The following LANCL1 variants were observed in gnomAD, a reference collection of about 807,000 sequenced individuals.
LANCL1 encodes glutathione S-transferase LANCL1.
Under a neutral mutation model 50.6 loss-of-function variants are expected in LANCL1, and 50 were observed. The observed-to-expected ratio is 0.99, with a 90% CI of 0.79 to 1.25. LANCL1 has a LOEUF of 1.25. Ranked by LOEUF, LANCL1 falls within the 50% of genes most tolerant of loss-of-function variation. The pLI is 0.00. For synonymous variants in LANCL1, 188 were observed against 178.6 expected, an observed-to-expected ratio of 1.05 and a Z score of -0.42; for missense variants, 532 against 480.7, an observed-to-expected ratio of 1.11 and a Z score of -1.00.
upstream of LANCL1, chr2:210,476,859 T>G (rs1378478045): frequency 2.1e-6 from 2 of 975,574 alleles, no homozygotes; most frequent in African/African-American, 3.5e-5. Context: ...GTGTAATTTC[T>G]AAAGGATAAC....
At chr2:210,464,187 T>A (rs537058124) in intron 3 of LANCL1, among the ~76,000 whole-genome samples, 2 of 152,344 alleles carry the variant, frequency 1.3e-5, no homozygotes, top group South Asian at 4.1e-4. Flanking sequence ...CCTAATCTTA[T>A]CTGAACTAGC....
intron 3 of LANCL1, among the ~76,000 whole-genome samples, chr2:210,466,024 A>C (rs915568514): frequency 1.3e-5 from 2 of 152,224 alleles, no homozygotes; most frequent in Admixed American, 6.5e-5. Flanking sequence ...CTTGAAGAGA[A>C]AAGATGAGCA....
chr2:210,435,893 C>CTTTTTTTTTTTTTT (rs71043994), intron 8 of LANCL1, among the ~76,000 whole-genome samples: 1 of 64,228 alleles, frequency 1.6e-5, no homozygotes. Flanking sequence ...GGGAGACCTG[C>CTTTTTTTTTTTTTT]TTTTTTTTTT....
At position 210,431,261 on chromosome 2, in the gene LANCL1, A is replaced by G. The variant is rs1477454795; in HGVS notation, c.*3226T>C. 6.6e-6 allele frequency: 1 copy of G among 152,254 alleles called. No individual in the cohort carries two copies. Among genetic ancestry groups the G allele is most frequent in the African/African-American group, 2.4e-5 (1 of 41,472 alleles). 9.4% of individuals were successfully genotyped at this position (152,254 alleles called of 1,614,324 possible). ...AAGCACATGATGATATATAGTCCTA[A>G]TAAAATTTTATTGAGAACTAGTAAG... On this transcript the variant is annotated 3_prime_UTR_variant, in exon 10 of 10. Transcript: ENST00000450366.
At chr2:210,469,661 T>G (rs892082527) in intron 3 of LANCL1, among the ~76,000 whole-genome samples, 7 of 152,192 alleles carry the variant, frequency 4.6e-5, no homozygotes, top group Non-Finnish European at 1.0e-4. Context: ...TTGAAGGATA[T>G]TGGCATTCAA....
Position 210,437,606 on chromosome 2 carries a change from C to A in LANCL1, c.873+84G>T, listed in dbSNP as rs1692977048. On this transcript the variant is annotated intron_variant, in intron 7 of 9. Coordinates refer to ENST00000450366, the MANE Select transcript of LANCL1 (RefSeq NM_006055.3). The stretch of plus-strand genomic sequence containing the variant: ...TCCCACAAGAGATTTATTTATTGTT[C>A]CTTTATGGATTAGGATAAAACTAAT... 2.3e-5 allele frequency: 17 copies of A among 752,720 alleles called. No individual in the cohort carries two copies. The East Asian group carries it at 5.1e-4, about 23-fold the overall frequency. 46.6% of individuals were successfully genotyped at this position (752,720 alleles called of 1,614,324 possible).
At chr2:210,461,703 T>C (rs1000686277) in intron 3 of LANCL1, among the ~76,000 whole-genome samples, 12 of 152,130 alleles carry the variant, frequency 7.9e-5, no homozygotes, top group Admixed American at 6.5e-4. Context: ...TTACAGAAGA[T>C]TGGGTCATGT....
At chr2:210,463,781 C>T (rs923974907) in intron 3 of LANCL1, among the ~76,000 whole-genome samples, 2 of 152,146 alleles carry the variant, frequency 1.3e-5, no homozygotes, top group African/African-American at 4.8e-5. Context: ...TATGGGACAG[C>T]TACAGGTTTT....
Position 210,437,887 on chromosome 2 carries a change from G to C in LANCL1, c.691-15C>G. The C allele has an allele frequency of 2.5e-6, 4 of 1,569,000 alleles. No individual in the cohort carries two copies. The highest frequency in any genetic ancestry group is 3.5e-6 in the Non-Finnish European group (4 of 1,158,256). On this transcript the variant is annotated splice_polypyrimidine_tract_variant and intron_variant, in intron 6 of 9. Coordinates refer to ENST00000450366, the MANE Select transcript of LANCL1 (RefSeq NM_006055.3). ...TGAAGGCTGGGCTAAAAATGAGAAG[G>C]AAATTATTAGTTCTGCTGAAGCAAA...
chr2:210,475,537 TGCACAG>T (rs1033158843), intron 2 of LANCL1, among the ~76,000 whole-genome samples: 1 of 152,188 alleles, frequency 6.6e-6, no homozygotes, highest in Non-Finnish European at 1.5e-5. Flanking sequence ...CCTGCTGTGT[TGCACAG>T]GCTGGTCTCA....
chr2:210,459,737 A>AAAAC (rs34702156), intron 3 of LANCL1, among the ~76,000 whole-genome samples: 30,009 of 150,306 alleles, frequency 0.2, 3,145 homozygotes, highest in Middle Eastern at 0.28. Context: ...ATAACTATTA[A>AAAAC]AAACAAACAA....
At chr2:210,459,288 T>G (rs1164417735) in intron 3 of LANCL1, among the ~76,000 whole-genome samples, 5 of 151,910 alleles carry the variant, frequency 3.3e-5, no homozygotes, top group South Asian at 2.1e-4. Flanking sequence ...TATACAAAAG[T>G]CAACTCAAAA....
In LANCL1 at chr2:210,437,748, A is replaced by G. The variant is rs1420049839; in HGVS notation, c.815T>C (p.Leu272Pro). ...AGGGGCGCCATGGCACCAATGGACAAGCAGATCTCGATTATCACCTATACA... is the reference window on the plus strand; with the variant it reads ...AGGGGCGCCATGGCACCAATGGACAGGCAGATCTCGATTATCACCTATACA... Reference protein sequence around the residue: ...PPCIGDNRDLLVHWCHGAPGV... With the variant: ...PPCIGDNRDLPVHWCHGAPGV... The change falls in exon 7 of 10, where the codon CTT (leucine) becomes CCT (proline). Residue 272 changes from leucine to proline, a missense_variant. Leu to Pro is a moderately conservative substitution (Grantham distance 98, BLOSUM62 -3). Transcript: ENST00000450366. The G allele has an allele frequency of 6.2e-7, 1 of 1,612,548 alleles. No individual in the cohort carries two copies. The highest frequency in any genetic ancestry group is 1.7e-5 in the Admixed American group (1 of 59,674).
At chr2:210,471,042 ATTTTTTTT>A (rs35572251) in intron 3 of LANCL1, among the ~76,000 whole-genome samples, 2 of 96,286 alleles carry the variant, frequency 2.1e-5, no homozygotes, top group African/African-American at 4.0e-5. Context: ...TTCTTCTTTG[ATTTTTTTT>A]TTTTTTTTTT....
At chr2:210,472,226 C>G (rs529222918) in intron 2 of LANCL1, 150 bp from the exon 3 acceptor site, 2 of 582,544 alleles carry the variant, frequency 3.4e-6, no homozygotes, top group East Asian at 5.6e-5. Flanking sequence ...TATTCTTAAA[C>G]AACAACATCA....
chr2:210,454,881 G>A (rs746227488), intron 4 of LANCL1, among the ~76,000 whole-genome samples: 8 of 152,154 alleles, frequency 5.3e-5, no homozygotes, highest in Non-Finnish European at 1.0e-4. Context: ...TTATTGAACT[G>A]ATGTTTAATC....
chr2:210,471,508 C>T, intron 3 of LANCL1: 1 of 453,102 alleles, frequency 2.2e-6, no homozygotes, highest in Admixed American at 2.4e-5. Context: ...ATACTTTACC[C>T]TGTATGGATT....
chr2:210,468,975 A>G (rs1053335052), intron 3 of LANCL1: 1 of 152,208 alleles, frequency 6.6e-6, no homozygotes. Flanking sequence ...CTATCAGCCC[A>G]TACGTATACT....
chr2:210,432,317 T>C lies in LANCL1; in HGVS notation c.*2170A>G, dbSNP rs977917976. 6.6e-6 allele frequency: 1 copy of C among 152,114 alleles called. No individual in the cohort carries two copies. Among genetic ancestry groups the C allele is most frequent in the Non-Finnish European group, 1.5e-5 (1 of 68,014 alleles). The allele number at this position is 152,114 out of a possible 1,614,324, so 9.4% of individuals were successfully genotyped here. ...AGCTTAAAAAAAAACCAAACTCTAA[T>C]TGTGTTTGTGTGGATGAATTTGCTA... On this transcript the variant is annotated 3_prime_UTR_variant, in exon 10 of 10. Transcript: ENST00000450366.
Sources: allele counts gnomAD v4.1 joint callset (sites outside exome capture counted in the v4.1 genomes callset), GRCh38; gene constraint gnomAD v4.1.1; transcripts MANE v1.5; gene names NCBI Gene and HGNC (gene_info 2026-07-23, HGNC 2026-07-21).